PMS2: variants seen among roughly 807,000 people sequenced by gnomAD.
PMS2 encodes the protein mismatch repair endonuclease PMS2.
A neutral mutation model predicts 90.0 loss-of-function variants in PMS2; 69 were observed. The ratio of observed to expected loss-of-function variants is 0.77; its 90% confidence interval spans 0.63 to 0.94. The LOEUF (loss-of-function observed/expected upper bound fraction) is 0.94. Ranked by LOEUF, PMS2 falls within the 40% of genes least tolerant of loss-of-function variation. PMS2 has a pLI of 0.00. For missense variants in PMS2, 966 were observed against 1,040.2 expected (o/e 0.93, Z 0.98); for synonymous variants, 332 against 375.1 (o/e 0.89, Z 1.33).
rs1186881121 is a variant in PMS2, at chr7:5,978,045, G to C, written c.2276-288C>G. Among the ~76,000 whole-genome samples, 2 of 149,612 alleles carry C rather than the reference G, an allele frequency of 1.3e-5. 1 individual carries two copies. The highest frequency in any genetic ancestry group is 3.0e-5 in the Non-Finnish European group (2 of 67,278). ...TGAGGCAGGAGAATGGTGTGAACCT[G>C]GGAGGCGGAGCTTGCAGTGAGCCGA... On this transcript the variant is annotated intron_variant, in intron 13 of 14. Transcript: ENST00000265849.
intron 11 of PMS2, among the ~76,000 whole-genome samples, chr7:5,984,050 A>G (rs1782592510): frequency 6.6e-6 from 1 of 151,888 alleles, no homozygotes. Context: ...AGTTGTTTCC[A>G]ATTTCAATAG....
rs771834092 is a variant in PMS2 at position 5,999,145 on chromosome 7, A to G, written c.668T>C (p.Ile223Thr). Residue 223 changes from isoleucine to threonine, a missense_variant, in exon 6 of 15, where the codon ATA becomes ACA. Transcript: ENST00000265849. The part of the protein sequence containing the change: ...PVVCTGGSPS[I>T]KENIGSVFGQ... ...AAACACAGAGCCGATATTTTCCTTT[A>G]TGCTGGGGCTTCCACCTGTGCATAC... 6.2e-7 allele frequency: 1 copy of G among 1,613,974 alleles called. No homozygotes were observed. The highest frequency in any genetic ancestry group is 8.5e-7 in the Non-Finnish European group (1 of 1,180,020).
intron 7 of PMS2, 26 bp downstream of exon 7, chr7:5,997,300 A>T (rs2128785983): frequency 9.4e-7 from 1 of 1,068,108 alleles, no homozygotes; most frequent in Non-Finnish European, 1.5e-6. Flanking sequence ...GTTCAATTGT[A>T]GTTCTCTTGC....
At chr7:5,994,072 C>T (rs948121216) in intron 8 of PMS2, among the ~76,000 whole-genome samples, 9 of 151,530 alleles carry the variant, frequency 5.9e-5, no homozygotes, top group African/African-American at 9.7e-5. Flanking sequence ...AACACACTCA[C>T]GTATATGCAA....
At chr7:6,008,968 G>GAT in intron 1 of PMS2, 29 bp downstream of exon 1, 1 of 1,612,280 alleles carries the variant, frequency 6.2e-7, no homozygotes, top group Middle Eastern at 1.9e-4. Context: ...CGCGAGAGGG[G>GAT]ACACCGGAAG....
In PMS2 at chr7:6,009,045, G is replaced by A. The variant is rs1320191955; in HGVS notation, c.-26C>T. 3 of 1,612,218 alleles carry A rather than the reference G, an allele frequency of 1.9e-6. No individual in the cohort carries two copies. The highest frequency in any genetic ancestry group is 2.5e-6 in the Non-Finnish European group (3 of 1,179,768). ...GGATGCAACACCCGATCCGCCTCGG[G>A]GACTGGGAAAGTTCCCTCCAGGGCT... On this transcript the variant is annotated 5_prime_UTR_variant, in exon 1 of 15. Coordinates refer to ENST00000265849, the MANE Select transcript of PMS2 (RefSeq NM_000535.7).
At chr7:5,989,715 G>A in intron 10 of PMS2, 85 bp downstream of exon 10, 1 of 1,026,700 alleles carries the variant, frequency 9.7e-7, no homozygotes, top group Non-Finnish European at 1.5e-6. Flanking sequence ...TTGTTTTCAT[G>A]TCAAAAAAAA....
At chr7:6,008,722 G>T (rs1287740364) in intron 1 of PMS2, among the ~76,000 whole-genome samples, 1 of 150,330 alleles carries the variant, frequency 6.7e-6, no homozygotes, top group Admixed American at 6.7e-5. Flanking sequence ...TGGGATGTGG[G>T]CAAGGCCTGT....
intron 7 of PMS2, among the ~76,000 whole-genome samples, chr7:5,996,160 A>G (rs1314901219): frequency 6.6e-6 from 1 of 152,218 alleles, no homozygotes; most frequent in Non-Finnish European, 1.5e-5. Flanking sequence ...ACATAAAGAC[A>G]TAAAGCTCCA....
At chr7:6,000,915 C>G (rs1785016281) in intron 5 of PMS2, among the ~76,000 whole-genome samples, 1 of 152,058 alleles carries the variant, frequency 6.6e-6, no homozygotes, top group South Asian at 2.1e-4. Context: ...CACTTGAACC[C>G]AGGAGGTGGA....
chr7:6,008,974 G>A (rs2128865470), intron 1 of PMS2, 23 bp downstream of exon 1: 3 of 1,612,440 alleles, frequency 1.9e-6, no homozygotes, highest in South Asian at 2.2e-5. Context: ...AGGGGACACC[G>A]GAAGACTGCG....
At chr7:5,990,805 G>A (rs1783651698) in intron 9 of PMS2, among the ~76,000 whole-genome samples, 1 of 152,134 alleles carries the variant, frequency 6.6e-6, no homozygotes, top group Non-Finnish European at 1.5e-5. Context: ...GTTAAGGTCA[G>A]GAGTTCAAGA....
At chr7:5,996,837 G>C (rs1338168563) in intron 7 of PMS2, among the ~76,000 whole-genome samples, 1 of 151,934 alleles carries the variant, frequency 6.6e-6, no homozygotes, top group Non-Finnish European at 1.5e-5. Context: ...TCAAAACATG[G>C]TTTGAATTAA....
chr7:5,989,717 C>A, intron 10 of PMS2, 83 bp downstream of exon 10: 1 of 1,059,296 alleles, frequency 9.4e-7, no homozygotes, highest in Non-Finnish European at 1.4e-6. Context: ...GTTTTCATGT[C>A]AAAAAAAAGT....
Position 5,989,798 on chromosome 7 carries a change from A to G in PMS2, c.1144+2T>C, listed in dbSNP as rs267608158. The G allele has an allele frequency of 6.2e-7, 1 of 1,610,532 alleles. No homozygotes were observed. Among genetic ancestry groups the G allele is most frequent in the Non-Finnish European group, 8.5e-7 (1 of 1,177,152 alleles). On this transcript the variant is annotated splice_donor_variant, in intron 10 of 14. Coordinates refer to ENST00000265849, the MANE Select transcript of PMS2 (RefSeq NM_000535.7). LOFTEE classifies it high-confidence loss of function. The stretch of plus-strand genomic sequence containing the variant: ...GCTGTTTGTACACTGTATTTTTCTT[A>G]CCTTCAACATCCAGCAGTGGCTGCT...
rs1325463342 is a variant in PMS2, at chr7:5,987,248, A to G, written c.1517T>C (p.Phe506Ser). ...GTGACTGCCCGTGTCTGGGATGCTGAACCCCTCAGAATCCACGGAAGTGCT... is the reference window on the plus strand; with the variant it reads ...GTGACTGCCCGTGTCTGGGATGCTGGACCCCTCAGAATCCACGGAAGTGCT... ...HGSTSVDSEG[F>S]SIPDTGSHCS... is the part of the protein sequence containing the mutation. Residue 506 changes from phenylalanine to serine, a missense_variant, in exon 11 of 15, where the codon TTC (phenylalanine) becomes TCC (serine). Phe to Ser is a radical substitution (Grantham distance 155, BLOSUM62 -2). Coordinates refer to ENST00000265849, the MANE Select transcript of PMS2 (RefSeq NM_000535.7). The G allele has an allele frequency of 6.2e-7, 1 of 1,613,966 alleles. No homozygotes were observed. Among genetic ancestry groups the G allele is most frequent in the East Asian group, 2.2e-5 (1 of 44,884 alleles).
Position 5,987,328 on chromosome 7 carries a change from G to A in PMS2, c.1437C>T (p.His479=), listed in dbSNP as rs63750685. 14 of 1,614,002 alleles carry A rather than the reference G, an allele frequency of 8.7e-6. No individual in the cohort carries two copies. The highest frequency in any genetic ancestry group is 5.0e-5 in the Admixed American group (3 of 59,984). The change falls in exon 11 of 15, where the codon CAC becomes CAT. Residue 479 remains histidine, a synonymous_variant. Coordinates refer to ENST00000265849, the MANE Select transcript of PMS2 (RefSeq NM_000535.7). ...RPQKEAVSSS[H]GPSDPTDRAE... is the part of the protein sequence containing the mutation. ...CTCTGTCCGTAGGGTCACTGGGTCC[G>A]TGACTGGAACTCACTGCCTCTTTCT...
rs1562663507 is a variant in PMS2, at chr7:5,995,548, A to G, written c.889T>C (p.Cys297Arg). The G allele has an allele frequency of 6.2e-7, 1 of 1,613,098 alleles. No individual in the cohort carries two copies. The highest frequency in any genetic ancestry group is 8.5e-7 in the Non-Finnish European group (1 of 1,179,054). The change falls in exon 8 of 15, where the codon TGT becomes CGT. Residue 297 changes from cysteine to arginine, a missense_variant. Transcript: ENST00000265849. ...RQFFFINRRP[C>R]DPAKVCRLVN... ...ATTTTAAATACCTTTGCTGGGTCAC[A>G]AGGCCGCCGGTTGATAAAGAAAAAC...
rs2128787316 is a variant in PMS2 at position 5,997,369 on chromosome 7, C to A, written c.760G>T (p.Glu254Ter). Residue 254 changes from glutamate to a stop codon, truncating the protein, a stop_gained, in exon 7 of 15, where the codon GAG becomes TAG. Coordinates refer to ENST00000265849, the MANE Select transcript of PMS2 (RefSeq NM_000535.7). LOFTEE classifies it high-confidence loss of function. ...GCATCGGAACAGCTCAAACCGTACT[C>A]TTCACACACGGAGTCACTAGGGGGC... ...QLPPSDSVCEEYGLSCSDALH... is the reference protein window; with the variant it reads ...QLPPSDSVCE 1 of 1,606,292 alleles carries A rather than the reference C, an allele frequency of 6.2e-7. No individual in the cohort carries two copies. The highest frequency in any genetic ancestry group is 8.5e-7 in the Non-Finnish European group (1 of 1,174,088).
Sources: gnomAD v4.1 joint callset for allele counts (sites outside exome capture counted in the v4.1 genomes callset) on GRCh38, gnomAD v4.1.1 for gene constraint, MANE v1.5 for transcripts, NCBI Gene and HGNC (gene_info 2026-07-23, HGNC 2026-07-21) for gene names.